Variants in AKAP13 observed in about 807,000 individuals in gnomAD.
The protein encoded by AKAP13 is A-kinase anchoring protein 13, also known as A-kinase anchor protein 13.
In AKAP13, 80 loss-of-function variants were observed where a neutral mutation model predicts 264.5. The observed-to-expected ratio is 0.30, with a 90% CI of 0.25 to 0.36. The LOEUF (loss-of-function observed/expected upper bound fraction) is 0.36, where lower values mean the gene tolerates loss of function less well. Among genes scored for constraint, AKAP13 ranks in the 10% least tolerant of loss-of-function variants. The pLI, the probability that AKAP13 is intolerant of heterozygous loss-of-function variation, is 1.00. For synonymous variants in AKAP13, 1,380 were observed against 1,250.2 expected (o/e 1.10, Z -2.19); for missense variants, 3,712 against 3,435.2 (o/e 1.08, Z -2.01).
chr15:85,406,708 ATT>A (rs1482678673), intron 1 of AKAP13, among the ~76,000 whole-genome samples: 2 of 151,682 alleles, frequency 1.3e-5, no homozygotes, highest in Non-Finnish European at 2.9e-5. Flanking sequence ...GGAGACATGA[ATT>A]GGCTAATAAG....
In AKAP13 at chr15:85,734,846, G is replaced by A; in HGVS notation, c.7283-146G>A. ...CCAACTAAAACACATACCCTGAGCT[G>A]AGACCCTTCTCTGAGCAAAGGAACT... is the stretch of plus-strand genomic sequence containing the variant. On this transcript the variant is annotated intron_variant, in intron 30 of 36. Coordinates refer to ENST00000394518, the MANE Select transcript of AKAP13 (RefSeq NM_007200.5). 6 of 1,067,554 alleles carry A rather than the reference G, an allele frequency of 5.6e-6. No homozygotes were observed. In the South Asian group the frequency reaches 1.0e-4, roughly 18 times the overall value. The allele number at this position is 1,067,554 out of a possible 1,614,324, so 66.1% of individuals were successfully genotyped here. A position where few individuals can be genotyped will look rare whatever the true frequency, so the allele number is the denominator to read the frequency against.
intron 8 of AKAP13, among the ~76,000 whole-genome samples, chr15:85,610,139 A>G (rs905395556): frequency 2.6e-5 from 4 of 152,204 alleles, no homozygotes; most frequent in African/African-American, 9.6e-5. Context: ...CTACTAATTG[A>G]CCGTGGCATG....
At position 85,717,398 on chromosome 15, in the gene AKAP13, T is replaced by C; in HGVS notation, c.5844T>C (p.Asp1948=). The change falls in exon 21 of 37, where the codon GAT becomes GAC. Residue 1948 remains aspartate (D), a synonymous_variant. Transcript: ENST00000394518. ...KVNESTESLT[D]EGVGTDMNEG... Reference sequence around the variant, plus strand: ...ATGAGTCAACAGAATCACTTACTGATGAGGGTAAGAGGAAGTTATGGCCTT... The same window carrying C: ...ATGAGTCAACAGAATCACTTACTGACGAGGGTAAGAGGAAGTTATGGCCTT... 1.2e-6 allele frequency: 2 copies of C among 1,608,692 alleles called. No homozygotes were observed. Among genetic ancestry groups the C allele is most frequent in the Non-Finnish European group, 1.7e-6 (2 of 1,175,694 alleles).
intron 9 of AKAP13, among the ~76,000 whole-genome samples, chr15:85,640,027 C>T (rs1218905722): frequency 3.3e-5 from 5 of 151,498 alleles, no homozygotes; most frequent in Admixed American, 6.5e-5. Flanking sequence ...GTACGATGCT[C>T]TTAAGACCTT....
chr15:85,607,587 C>A (rs986745429), intron 8 of AKAP13, among the ~76,000 whole-genome samples: 2 of 152,126 alleles, frequency 1.3e-5, no homozygotes, highest in Non-Finnish European at 1.5e-5. Context: ...AACCACGATG[C>A]TAGCTTAATA....
At chr15:85,394,619 C>T (rs1030893603) in intron 1 of AKAP13, among the ~76,000 whole-genome samples, 2 of 152,210 alleles carry the variant, frequency 1.3e-5, no homozygotes. Flanking sequence ...CTGATTCCAT[C>T]TCCTCTCCTC....
At chr15:85,639,591 TGTCTTACAGTTGAA>T (rs2082211320) in intron 9 of AKAP13, 142 bp downstream of exon 9, 1 of 652,550 alleles carries the variant, frequency 1.5e-6, no homozygotes, top group Admixed American at 2.7e-5. Flanking sequence ...GTAGGCATTT[TGTCTTACAGTTGAA>T]GATGAACACA....
intron 1 of AKAP13, among the ~76,000 whole-genome samples, chr15:85,433,117 GTTTTTTT>G (rs199655190): frequency 4.2e-3 from 221 of 53,240 alleles, no homozygotes; most frequent in Middle Eastern, 0.024. Flanking sequence ...CTTCTGTACA[GTTTTTTT>G]TTTTTTTTTT....
intron 8 of AKAP13, among the ~76,000 whole-genome samples, chr15:85,595,970 G>A (rs533739403): frequency 4.6e-5 from 7 of 152,220 alleles, no homozygotes; most frequent in Non-Finnish European, 1.0e-4. Flanking sequence ...TTGAAAGTGT[G>A]TGTTCTCCCT....
intron 1 of AKAP13, among the ~76,000 whole-genome samples, chr15:85,387,404 CA>C (rs1384690153): frequency 6.6e-6 from 1 of 152,158 alleles, no homozygotes; most frequent in African/African-American, 2.4e-5. Flanking sequence ...GATAACCACT[CA>C]CTGCAGCCTT....
chr15:85,607,200 C>T (rs2151381584), intron 8 of AKAP13, among the ~76,000 whole-genome samples: 1 of 152,152 alleles, frequency 6.6e-6, no homozygotes, highest in South Asian at 2.1e-4. Flanking sequence ...AGGTAGCTCC[C>T]TACCTTCTCC....
At chr15:85,523,500 C>G (rs559477309) in intron 3 of AKAP13, among the ~76,000 whole-genome samples, 1 of 152,290 alleles carries the variant, frequency 6.6e-6, no homozygotes, top group Admixed American at 6.5e-5. Context: ...ACACAGCTGC[C>G]TCCTCTCCAC....
chr15:85,387,627 C>G (rs1259989075), intron 1 of AKAP13, among the ~76,000 whole-genome samples: 1 of 151,972 alleles, frequency 6.6e-6, no homozygotes, highest in Non-Finnish European at 1.5e-5. Flanking sequence ...GCCCAGCCTG[C>G]TGTGGTTTTT....
At chr15:85,418,707 T>G (rs2072362958) in intron 1 of AKAP13, among the ~76,000 whole-genome samples, 1 of 152,236 alleles carries the variant, frequency 6.6e-6, no homozygotes, top group Admixed American at 6.5e-5. Context: ...CTTTCCCATA[T>G]TTACAATTTT....
chr15:85,734,092 CG>C (rs2088259320), intron 30 of AKAP13, among the ~76,000 whole-genome samples: 1 of 151,924 alleles, frequency 6.6e-6, no homozygotes, highest in Non-Finnish European at 1.5e-5. Flanking sequence ...CTCGGCCTCC[CG>C]AAGTGCTGGG....
intron 1 of AKAP13, among the ~76,000 whole-genome samples, chr15:85,438,681 G>C (rs993567592): frequency 4.6e-5 from 7 of 150,972 alleles, no homozygotes; most frequent in Admixed American, 4.6e-4. Context: ...ACAACTATCT[G>C]ATCTTTGACA....
chr15:85,598,638 A>G (rs1342855273), intron 8 of AKAP13, among the ~76,000 whole-genome samples: 2 of 152,154 alleles, frequency 1.3e-5, no homozygotes, highest in Non-Finnish European at 2.9e-5. Context: ...TGTAATAGAA[A>G]CCAGGGATGC....
At chr15:85,393,139 C>T (rs953808860) in intron 1 of AKAP13, among the ~76,000 whole-genome samples, 1 of 152,168 alleles carries the variant, frequency 6.6e-6, no homozygotes, top group Non-Finnish European at 1.5e-5. Context: ...TCCGTTGTGA[C>T]ATTGCATGGA....
chr15:85,472,661 A>G (rs2075003173), intron 1 of AKAP13, among the ~76,000 whole-genome samples: 1 of 152,208 alleles, frequency 6.6e-6, no homozygotes, highest in Non-Finnish European at 1.5e-5. Context: ...AACTCCTCTT[A>G]GTAGGAAACT....
Sources: allele counts gnomAD v4.1 joint callset (sites outside exome capture counted in the v4.1 genomes callset), GRCh38; gene constraint gnomAD v4.1.1; transcripts MANE v1.5; gene names NCBI Gene and HGNC (gene_info 2026-07-23, HGNC 2026-07-21).